Variants in POLD2 observed in about 807,000 individuals in gnomAD.
POLD2 encodes DNA polymerase delta subunit 2.
Under a neutral mutation model 48.8 loss-of-function variants are expected in POLD2, and 31 were observed. The ratio of observed to expected loss-of-function variants is 0.64; its 90% confidence interval spans 0.48 to 0.86. POLD2 has a LOEUF of 0.86. POLD2 is among the 40% of genes least tolerant of loss of function. POLD2 has a pLI of 0.00. For synonymous variants in POLD2, 233 were observed against 256.3 expected (o/e 0.91, Z 0.87); for missense variants, 455 against 610.1 (o/e 0.75, Z 2.68).
intron 2 of POLD2, chr7:44,118,412 G>C (rs184389747): frequency 3.1e-5 from 6 of 193,604 alleles, no homozygotes; most frequent in Non-Finnish European, 5.3e-5. Flanking sequence ...CCCTCCCCTC[G>C]GGCCTTCAGA....
rs2096248671 is a variant in POLD2, at chr7:44,121,890, G to T, written c.164C>A (p.Ala55Asp). The T allele has an allele frequency of 1.2e-6, 2 of 1,613,562 alleles. No individual in the cohort carries two copies. Among genetic ancestry groups the T allele is most frequent in the African/African-American group, 2.7e-5 (2 of 75,032 alleles). Residue 55 changes from alanine (A) to aspartate (D), a missense_variant, in exon 2 of 11, where the codon GCC becomes GAC. Physicochemically the swap from Ala to Asp is moderately radical, Grantham distance 126 (BLOSUM62 -2). Around this residue, in one of 3 missense-constraint regions of POLD2, gnomAD observed 349 missense variants for 437.4 expected, o/e 0.80. Transcript: ENST00000610533. This position sits in a 1 kb window ranked among gnomAD's most constrained non-coding sequence, Gnocchi z 4.5. The stretch of plus-strand genomic sequence containing the variant: ...GGGTCTCATTTGGATGAGGCGGGTG[G>T]CATAAATGTGGGCATACTGCCGGCT... The part of the protein sequence containing the change: ...SFSRQYAHIY[A>D]TRLIQMRPFL...
chr7:44,123,692 C>T, upstream of POLD2: 1 of 1,353,180 alleles, frequency 7.4e-7, no homozygotes, highest in Non-Finnish European at 9.4e-7. Flanking sequence ...CTGGGACGCC[C>T]AGAGAACGCG....
chr7:44,123,693 A>G, upstream of POLD2: 1 of 1,353,538 alleles, frequency 7.4e-7, no homozygotes, highest in South Asian at 1.8e-5. Context: ...TGGGACGCCC[A>G]GAGAACGCGG....
At position 44,118,001 on chromosome 7, in the gene POLD2, C is replaced by T; in HGVS notation, c.284G>A (p.Gly95Asp). The change falls in exon 3 of 11, where the codon GGC becomes GAC. Residue 95 changes from glycine to aspartate, a missense_variant. By Grantham distance (94) the Gly-to-Asp change is moderately conservative (BLOSUM62 -1). Around this residue, in one of 3 missense-constraint regions of POLD2, gnomAD observed 349 missense variants for 437.4 expected, o/e 0.80. Transcript: ENST00000610533. ...LQPEEKCCVV[G>D]TLFKAMPLQP... Reference sequence around the variant, plus strand: ...CAGCGGCATGGCCTTGAACAGAGTGCCCACCACACAGCACTTCTCCTCAGG... The same window carrying T: ...CAGCGGCATGGCCTTGAACAGAGTGTCCACCACACAGCACTTCTCCTCAGG... 6.2e-7 allele frequency: 1 copy of T among 1,614,212 alleles called. No individual in the cohort carries two copies.
In POLD2 at chr7:44,116,341, C is replaced by A; in HGVS notation, c.862-69G>T. On this transcript the variant is annotated intron_variant, in intron 7 of 10. Transcript: ENST00000610533. This position sits in a 1 kb window ranked among gnomAD's most constrained non-coding sequence, Gnocchi z 6.1. Reference sequence around the variant, plus strand: ...GCCCCCTACACCAACTCCGGCCACTCCCCCTGCCCTCCTGCCTGCCTTCTG... The same window carrying A: ...GCCCCCTACACCAACTCCGGCCACTACCCCTGCCCTCCTGCCTGCCTTCTG... The A allele has an allele frequency of 6.3e-7, 1 of 1,598,890 alleles. No homozygotes were observed. The highest frequency in any genetic ancestry group is 8.5e-7 in the Non-Finnish European group (1 of 1,170,002).
In POLD2 at chr7:44,121,215, C is replaced by T. The variant is rs2096247680; in HGVS notation, c.220+619G>A. ...CAGCAGCACCTAAAACTCAAATAAA[C>T]TCAAAGGGGGAGATGGGGGTCCCTG... On this transcript the variant is annotated intron_variant, in intron 2 of 10. Coordinates refer to ENST00000610533, the MANE Select transcript of POLD2 (RefSeq NM_006230.4). This position sits in a 1 kb window ranked among gnomAD's most constrained non-coding sequence, Gnocchi z 4.5. Among the ~76,000 whole-genome samples the T allele has an allele frequency of 6.6e-6, 1 of 152,036 alleles. No homozygotes were observed. Among genetic ancestry groups the T allele is most frequent in the Admixed American group, 6.6e-5 (1 of 15,266 alleles).
intron 10 of POLD2, 89 bp from the exon 11 acceptor site, chr7:44,115,034 T>G: frequency 8.7e-7 from 1 of 1,147,164 alleles, no homozygotes; most frequent in Middle Eastern, 2.0e-4. Context: ...GAGTCCCCAT[T>G]GGCACACAGT....
rs906470636 is a variant in POLD2, at chr7:44,118,106, C to G, written c.221-42G>C. On this transcript the variant is annotated intron_variant, in intron 2 of 10. Transcript: ENST00000610533. ...ACAGACTCAGAGATGAAGTAGCCCC[C>G]CCGCCCGACAGAGGCCATGGAGGCC... The G allele has an allele frequency of 8.7e-6, 14 of 1,607,154 alleles. No individual in the cohort carries two copies. In the African/African-American group the frequency reaches 1.3e-4, roughly 15 times the overall value.
At position 44,117,832 on chromosome 7, in the gene POLD2, C is replaced by T; in HGVS notation, c.343-90G>A. 7 of 1,599,726 alleles carry T rather than the reference C, an allele frequency of 4.4e-6. No individual in the cohort carries two copies. The South Asian group carries it at 6.7e-5, about 15-fold the overall frequency. ...AGCTGGCACCGCAGCCCCCACCCCT[C>T]TGGAGTCCATTGTCTCTGAACCTGC... On this transcript the variant is annotated intron_variant, in intron 3 of 10. Transcript: ENST00000610533.
chr7:44,122,183 C>T (rs1374289465), intron 1 of POLD2, 74 bp from the exon 2 acceptor site: 28 of 1,454,366 alleles, frequency 1.9e-5, no homozygotes, highest in East Asian at 5.0e-5. Flanking sequence ...TGTCTCACTG[C>T]ACCCAAAGGA....
intron 3 of POLD2, 45 bp from the exon 4 acceptor site, chr7:44,117,787 C>A (rs1012041803): frequency 4.5e-5 from 73 of 1,612,386 alleles, no homozygotes; most frequent in Non-Finnish European, 6.0e-5. Context: ...CCAGAGCCCA[C>A]CAAAGCTCTG....
rs2096240987 is a variant in POLD2 at position 44,116,982 on chromosome 7, A to ACCCAGG, written c.609_614dup (p.Leu204_Gly205dup). On this transcript the variant is annotated inframe_insertion, in exon 6 of 11. Transcript: ENST00000610533. The surrounding 1 kb of genome is among the most constrained non-coding windows in gnomAD (Gnocchi z 6.1). ...CCAGCAGGCTCTCGCCTCCACCGCC[A>ACCCAGG]CCCAGGCCCAGGCCGGACACCAGTA... The ACCCAGG allele has an allele frequency of 8.1e-6, 13 of 1,613,302 alleles. No individual in the cohort carries two copies. The highest frequency in any genetic ancestry group is 1.1e-5 in the Non-Finnish European group (13 of 1,179,882).
In POLD2 at chr7:44,117,163, T is replaced by A. The variant is rs2096241326; in HGVS notation, c.551A>T (p.Gln184Leu). Residue 184 changes from glutamine to leucine, a missense_variant, in exon 5 of 11, where the codon CAG (glutamine) becomes CTG (leucine). Gln to Leu is a moderately radical substitution (Grantham distance 113). Around this residue, in one of 3 missense-constraint regions of POLD2, gnomAD observed 349 missense variants for 437.4 expected, o/e 0.80. Coordinates refer to ENST00000610533, the MANE Select transcript of POLD2 (RefSeq NM_006230.4). Reference sequence around the variant, plus strand: ...TGTGTCAAGTGGGGGTGCGGGCTTCTGGGGAGCAAGGTCAGCAAAGCAATA... The same window carrying A: ...TGTGTCAAGTGGGGGTGCGGGCTTCAGGGGAGCAAGGTCAGCAAAGCAATA... ...EDYCFADLAP[Q>L]KPAPPLDTDR... 1 of 1,613,956 alleles carries A rather than the reference T, an allele frequency of 6.2e-7. No individual in the cohort carries two copies. Among genetic ancestry groups the A allele is most frequent in the Non-Finnish European group, 8.5e-7 (1 of 1,179,974 alleles).
chr7:44,124,099 C>T (rs2096252584), upstream of POLD2, among the ~76,000 whole-genome samples: 1 of 152,164 alleles, frequency 6.6e-6, no homozygotes, highest in Non-Finnish European at 1.5e-5. Context: ...CGTCTGCGTC[C>T]GGGAAACGCA....
intron 2 of POLD2, among the ~76,000 whole-genome samples, chr7:44,120,851 T>C (rs2096247266): frequency 6.6e-6 from 1 of 152,220 alleles, no homozygotes; most frequent in Non-Finnish European, 1.5e-5. Flanking sequence ...TAAATTACCC[T>C]ATCTCAGGTA....
In POLD2 at chr7:44,121,900, G is replaced by C; in HGVS notation, c.154C>G (p.His52Asp). The C allele has an allele frequency of 6.2e-7, 1 of 1,613,686 alleles. No homozygotes were observed. Among genetic ancestry groups the C allele is most frequent in the Non-Finnish European group, 8.5e-7 (1 of 1,180,010 alleles). The change falls in exon 2 of 11, where the codon CAC (histidine) becomes GAC (aspartate). Residue 52 changes from histidine to aspartate, a missense_variant. His to Asp is a moderately conservative substitution (Grantham distance 81). Around this residue, in one of 3 missense-constraint regions of POLD2, gnomAD observed 349 missense variants for 437.4 expected, o/e 0.80. Transcript: ENST00000610533. The surrounding 1 kb of genome is among the most constrained non-coding windows in gnomAD (Gnocchi z 4.5). The part of the protein sequence containing the change: ...GERSFSRQYA[H>D]IYATRLIQMR... ...TGGATGAGGCGGGTGGCATAAATGT[G>C]GGCATACTGCCGGCTAAAGCTGCGC...
At position 44,116,750 on chromosome 7, in the gene POLD2, G is replaced by A. The variant is rs2128810788; in HGVS notation, c.780+67C>T. The A allele has an allele frequency of 6.5e-7, 1 of 1,543,992 alleles. No homozygotes were observed. Among genetic ancestry groups the A allele is most frequent in the Non-Finnish European group, 8.9e-7 (1 of 1,121,478 alleles). On this transcript the variant is annotated intron_variant, in intron 6 of 10. Transcript: ENST00000610533. The surrounding 1 kb of genome is among the most constrained non-coding windows in gnomAD (Gnocchi z 6.1). ...CACAGGGTACCCTACTCGCCCTGGG[G>A]AAGGAGGGTCTTACAGGCTTGCAGG...
At chr7:44,119,588 T>C (rs926337743) in intron 2 of POLD2, among the ~76,000 whole-genome samples, 2 of 152,186 alleles carry the variant, frequency 1.3e-5, no homozygotes, top group Non-Finnish European at 2.9e-5. Context: ...CAGGAGTAGA[T>C]ATTATCACCC....
Position 44,116,974 on chromosome 7 carries a change from C to T in POLD2, c.623G>A (p.Gly208Glu), listed in dbSNP as rs1323056774. 3 of 1,613,436 alleles carry T rather than the reference C, an allele frequency of 1.9e-6. No homozygotes were observed. Among genetic ancestry groups the T allele is most frequent in the East Asian group, 4.5e-5 (2 of 44,878 alleles). ...LVSGLGLGGGGGESLLGTQLL... is the reference protein window; with the variant it reads ...LVSGLGLGGGEGESLLGTQLL... ...CTGGGTGCCCAGCAGGCTCTCGCCTCCACCGCCACCCAGGCCCAGGCCGGA... is the reference window on the plus strand; with the variant it reads ...CTGGGTGCCCAGCAGGCTCTCGCCTTCACCGCCACCCAGGCCCAGGCCGGA... Residue 208 changes from glycine to glutamate, a missense_variant, in exon 6 of 11, where the codon GGA (glycine) becomes GAA (glutamate). Gly to Glu is a moderately conservative substitution (Grantham distance 98). Around this residue, in one of 3 missense-constraint regions of POLD2, gnomAD observed 349 missense variants for 437.4 expected, o/e 0.80. Coordinates refer to ENST00000610533, the MANE Select transcript of POLD2 (RefSeq NM_006230.4). This position sits in a 1 kb window ranked among gnomAD's most constrained non-coding sequence, Gnocchi z 6.1.
Sources: gnomAD v4.1 joint callset for allele counts (sites outside exome capture counted in the v4.1 genomes callset) on GRCh38, gnomAD v4.1.1 for gene constraint, gnomAD v4.1.1 regional missense constraint, Gnocchi (gnomAD v3.1) non-coding constraint, MANE v1.5 for transcripts, NCBI Gene and HGNC (gene_info 2026-07-23, HGNC 2026-07-21) for gene names.